Variants in TRAF3 observed in about 807,000 individuals in gnomAD.
TRAF3 encodes the protein TNF receptor associated factor 3.
TRAF3 carries 13 observed loss-of-function variants against 62.3 expected under a neutral mutation model. That is an observed-to-expected ratio of 0.21 (90% CI 0.14 to 0.33). TRAF3 has a LOEUF of 0.33. Ranked by LOEUF, TRAF3 falls within the 10% of genes least tolerant of loss-of-function variation. The pLI is 1.00. For missense variants in TRAF3, 440 were observed against 741.8 expected (o/e 0.59, Z 4.73); for synonymous variants, 269 against 283.4 (o/e 0.95, Z 0.51).
At chr14:102,827,304 G>A (rs1900383536) in intron 1 of TRAF3, among the ~76,000 whole-genome samples, 3 of 152,304 alleles carry the variant, frequency 2.0e-5, no homozygotes, top group Middle Eastern at 3.4e-3. Flanking sequence ...CCCTGACGGC[G>A]GTTCCCCACA....
intron 2 of TRAF3, among the ~76,000 whole-genome samples, chr14:102,831,892 T>C (rs1305292078): frequency 1.3e-5 from 2 of 152,206 alleles, no homozygotes; most frequent in Non-Finnish European, 2.9e-5. Context: ...GATTTGCTTA[T>C]CTAAAAGTTT....
Position 102,814,653 on chromosome 14 carries a change from G to A in TRAF3, c.-156-15681G>A, listed in dbSNP as rs138903083. 5.4e-3 allele frequency among the ~76,000 whole-genome samples: 815 copies of A among 152,086 alleles called. 6 individuals carry two copies. The highest frequency in any genetic ancestry group is 9.8e-3 in the Admixed American group (150 of 15,266). On this transcript the variant is annotated intron_variant, in intron 1 of 11. Transcript: ENST00000392745. The stretch of plus-strand genomic sequence containing the variant: ...CCCACCTCAGCCTCCTGAATAGCTG[G>A]GACTGCAGGCACATGCCACCACATC...
intron 2 of TRAF3, among the ~76,000 whole-genome samples, chr14:102,834,467 G>A (rs549176361): frequency 1.6e-4 from 25 of 151,818 alleles, no homozygotes; most frequent in Non-Finnish European, 2.9e-4. Context: ...GGGAGGCCGA[G>A]GTGGGTGGAT....
In TRAF3 at chr14:102,853,539, A is replaced by T. The variant is rs182851478; in HGVS notation, c.-17-16646A>T. Among the ~76,000 whole-genome samples the T allele has an allele frequency of 1.3e-4, 20 of 152,120 alleles. No individual in the cohort carries two copies. In the East Asian group the frequency reaches 3.3e-3, roughly 25 times the overall value. On this transcript the variant is annotated intron_variant, in intron 2 of 11. Transcript: ENST00000392745. ...TGTACAACTCAGTGGCTTTGTGTAT[A>T]TTCAGAATGTTACGGCCGGGCGTGG...
intron 1 of TRAF3, among the ~76,000 whole-genome samples, chr14:102,807,190 G>A (rs1198908384): frequency 6.6e-6 from 1 of 152,078 alleles, no homozygotes; most frequent in Non-Finnish European, 1.5e-5. Context: ...AACCCTTTAC[G>A]GCCTCTGACT....
intron 8 of TRAF3, 47 bp downstream of exon 8, chr14:102,889,681 G>A (rs1164701181): frequency 1.9e-6 from 3 of 1,595,106 alleles, no homozygotes; most frequent in Non-Finnish European, 2.6e-6. Flanking sequence ...ATTCTGCCAT[G>A]AGAGAAAGTT....
intron 1 of TRAF3, among the ~76,000 whole-genome samples, chr14:102,796,292 G>C (rs959403785): frequency 6.6e-6 from 1 of 152,222 alleles, no homozygotes; most frequent in African/African-American, 2.4e-5. Flanking sequence ...TCTGAGGATG[G>C]CCCGAGGGAG....
chr14:102,885,962 C>G (rs916599240), intron 6 of TRAF3, among the ~76,000 whole-genome samples: 13 of 152,182 alleles, frequency 8.5e-5, no homozygotes, highest in Non-Finnish European at 1.5e-5. Context: ...CTGAGGCAAG[C>G]CGCCCTCACT....
intron 6 of TRAF3, among the ~76,000 whole-genome samples, chr14:102,881,493 C>A (rs976595568): frequency 2.3e-4 from 35 of 151,832 alleles, no homozygotes; most frequent in Admixed American, 5.9e-4. Context: ...AACACAGGAA[C>A]AGAAAAACAC....
chr14:102,867,115 T>G (rs1327899718), intron 2 of TRAF3, among the ~76,000 whole-genome samples: 3 of 152,204 alleles, frequency 2.0e-5, no homozygotes, highest in African/African-American at 7.2e-5. Flanking sequence ...TTGTTACCTC[T>G]GCTTTGGAGA....
At chr14:102,890,082 G>A (rs1249149186) in intron 8 of TRAF3, among the ~76,000 whole-genome samples, 1 of 152,232 alleles carries the variant, frequency 6.6e-6, no homozygotes, top group Non-Finnish European at 1.5e-5. Context: ...ACATGTCTGT[G>A]CTGACTCTGA....
At chr14:102,779,192 T>C (rs1041161504) in intron 1 of TRAF3, among the ~76,000 whole-genome samples, 16 of 148,942 alleles carry the variant, frequency 1.1e-4, no homozygotes, top group Admixed American at 1.0e-3. Flanking sequence ...GTAAGGTGTC[T>C]CACCCAGACG....
At chr14:102,798,094 C>CT (rs1416987184) in intron 1 of TRAF3, among the ~76,000 whole-genome samples, 2 of 152,150 alleles carry the variant, frequency 1.3e-5, no homozygotes, top group African/African-American at 2.4e-5. Flanking sequence ...ACCACACATT[C>CT]ACCAGTTCAG....
intron 1 of TRAF3, among the ~76,000 whole-genome samples, chr14:102,823,878 G>C (rs1900125611): frequency 1.0e-5 from 1 of 97,758 alleles, no homozygotes; most frequent in African/African-American, 2.8e-5. Flanking sequence ...TGTTTTCTGT[G>C]TGCAGTCTCT....
chr14:102,903,767 A>G lies in TRAF3; in HGVS notation c.1135+338A>G. The G allele has an allele frequency of 2.0e-6, 1 of 501,326 alleles. No homozygotes were observed. Among genetic ancestry groups the G allele is most frequent in the Non-Finnish European group, 3.9e-6 (1 of 256,760 alleles). The allele number at this position is 501,326 out of a possible 1,614,324, so 31.1% of individuals were successfully genotyped here. On this transcript the variant is annotated intron_variant, in intron 11 of 11. Coordinates refer to ENST00000392745, the MANE Select transcript of TRAF3 (RefSeq NM_145725.3). The surrounding 1 kb of genome is among the most constrained non-coding windows in gnomAD (Gnocchi z 6.4). ...CCAAGCGCAGATGGCAGAGGCCAGG[A>G]CCTGCTGGTCGGGGCGCCCCAGACC...
intron 1 of TRAF3, among the ~76,000 whole-genome samples, chr14:102,801,553 G>A (rs966982364): frequency 6.6e-6 from 1 of 151,850 alleles, no homozygotes; most frequent in African/African-American, 2.4e-5. Context: ...TGTTTGTTTT[G>A]AGACAGTGTC....
intron 1 of TRAF3, 87 bp downstream of exon 1, chr14:102,777,762 G>A (rs1011387612): frequency 4.8e-5 from 7 of 144,840 alleles, no homozygotes; most frequent in African/African-American, 1.7e-4. Flanking sequence ...CCTGGGCGGC[G>A]GGGCCCGGGG....
chr14:102,896,043 T>C (rs1889990460), intron 9 of TRAF3, among the ~76,000 whole-genome samples: 1 of 152,166 alleles, frequency 6.6e-6, no homozygotes, highest in Non-Finnish European at 1.5e-5. Context: ...TGAAATAATT[T>C]AGTAGGTTGT....
At chr14:102,863,473 A>G (rs1887796541) in intron 2 of TRAF3, among the ~76,000 whole-genome samples, 1 of 152,192 alleles carries the variant, frequency 6.6e-6, no homozygotes, top group African/African-American at 2.4e-5. Flanking sequence ...GTTGGAGCAC[A>G]CCTTCAACAC....
Sources: allele counts gnomAD v4.1 joint callset (sites outside exome capture counted in the v4.1 genomes callset), GRCh38; gene constraint gnomAD v4.1.1; non-coding constraint Gnocchi (gnomAD v3.1); transcripts MANE v1.5; gene names NCBI Gene and HGNC (gene_info 2026-07-23, HGNC 2026-07-21).